The following VEPH1 variants were observed in gnomAD, a reference collection of about 807,000 sequenced individuals.
VEPH1 encodes ventricular zone expressed PH domain containing 1.
A neutral mutation model predicts 85.2 loss-of-function variants in VEPH1; 80 were observed. The observed-to-expected ratio is 0.94, with a 90% confidence interval of 0.78 to 1.13. The LOEUF (loss-of-function observed/expected upper bound fraction) is 1.13. Ranked by LOEUF, VEPH1 falls within the 50% of genes most tolerant of loss-of-function variation. The probability of loss-of-function intolerance (pLI) is 0.00; values close to 1 mark genes in which losing one functional copy is unlikely to be tolerated. For missense variants in VEPH1, 955 were observed against 980.5 expected (o/e 0.97, Z 0.35); for synonymous variants, 297 against 348.0 (o/e 0.85, Z 1.63).
chr3:157,478,988 A>G (rs1737756742), intron 2 of VEPH1, among the ~76,000 whole-genome samples: 1 of 152,208 alleles, frequency 6.6e-6, no homozygotes, highest in Non-Finnish European at 1.5e-5. Flanking sequence ...GGAAAACCTG[A>G]ATAAACAGTT....
intron 4 of VEPH1, among the ~76,000 whole-genome samples, chr3:157,449,501 T>C (rs73873695): frequency 0.024 from 3,626 of 152,316 alleles, 144 homozygotes; most frequent in African/African-American, 0.08. Context: ...TGTTTCTTGC[T>C]TCTCTGTTCT....
At chr3:157,397,440 A>T (rs1481768733) in intron 6 of VEPH1, among the ~76,000 whole-genome samples, 1 of 152,148 alleles carries the variant, frequency 6.6e-6, no homozygotes, top group African/African-American at 2.4e-5. Flanking sequence ...TATGAATTTT[A>T]AAGTAGTTTT....
rs889344440 is a variant in VEPH1, at chr3:157,308,592, A to G, written c.2010+5029T>C. Among the ~76,000 whole-genome samples, 85 of 152,142 alleles carry G rather than the reference A, an allele frequency of 5.6e-4. 1 individual carries two copies. Among genetic ancestry groups the G allele is most frequent in the African/African-American group, 1.8e-3 (73 of 41,558 alleles). ...TTTTTTGCCCCTCTCAAAAATTTTC[A>G]AACTAGTCTCACCTATTTATCCTTC... On this transcript the variant is annotated intron_variant, in intron 11 of 13. Transcript: ENST00000362010.
chr3:157,408,879 G>A (rs1408243116), intron 6 of VEPH1, among the ~76,000 whole-genome samples: 2 of 152,112 alleles, frequency 1.3e-5, no homozygotes, highest in Admixed American at 6.6e-5. Flanking sequence ...GAAGTAGACT[G>A]GACAGGTAAG....
At chr3:157,272,079 G>A (rs886128957) in intron 12 of VEPH1, among the ~76,000 whole-genome samples, 1 of 151,462 alleles carries the variant, frequency 6.6e-6, no homozygotes, top group African/African-American at 2.4e-5. Context: ...GAAACAAAAA[G>A]TCAGAAGGAG....
chr3:157,401,902 G>T (rs765132859), intron 6 of VEPH1, among the ~76,000 whole-genome samples: 4 of 152,126 alleles, frequency 2.6e-5, no homozygotes, highest in Non-Finnish European at 4.4e-5. Context: ...AGAAGAAAAA[G>T]TCCGAAATAT....
chr3:157,431,739 C>G (rs1284636621), intron 4 of VEPH1, among the ~76,000 whole-genome samples: 3 of 151,884 alleles, frequency 2.0e-5, no homozygotes, highest in Non-Finnish European at 4.4e-5. Flanking sequence ...TTGGTTGTGA[C>G]AGACATCAGT....
intron 2 of VEPH1, among the ~76,000 whole-genome samples, chr3:157,480,402 C>G (rs1160431028): frequency 6.6e-6 from 1 of 151,914 alleles, no homozygotes; most frequent in East Asian, 1.9e-4. Flanking sequence ...ATGCTGTCAC[C>G]CAGCTAGTGA....
chr3:157,372,532 C>G (rs556289661), intron 7 of VEPH1, among the ~76,000 whole-genome samples: 1 of 152,340 alleles, frequency 6.6e-6, no homozygotes, highest in South Asian at 2.1e-4. Context: ...TGTATCTCAA[C>G]CATGGCCACA....
intron 9 of VEPH1, among the ~76,000 whole-genome samples, chr3:157,317,807 G>T (rs1025531081): frequency 6.6e-6 from 1 of 151,818 alleles, no homozygotes; most frequent in African/African-American, 2.4e-5. Context: ...CATGTGTAGA[G>T]AAAGAAATAA....
chr3:157,457,891 G>A (rs1735514166), intron 4 of VEPH1, among the ~76,000 whole-genome samples: 1 of 152,066 alleles, frequency 6.6e-6, no homozygotes, highest in African/African-American at 2.4e-5. Context: ...AATGAGTTAG[G>A]GAGGAGTCTC....
At chr3:157,349,563 T>A (rs779291345) in intron 9 of VEPH1, among the ~76,000 whole-genome samples, 34 of 146,426 alleles carry the variant, frequency 2.3e-4, no homozygotes, top group Non-Finnish European at 2.0e-4. Flanking sequence ...AAAGAAAGGG[T>A]ATCCACATTG....
chr3:157,489,415 T>C (rs1361727956), intron 2 of VEPH1: 1 of 320,276 alleles, frequency 3.1e-6, no homozygotes, highest in African/African-American at 2.2e-5. Context: ...GAAACTCCAG[T>C]CTACAGCCTT....
intron 2 of VEPH1, among the ~76,000 whole-genome samples, chr3:157,493,638 G>T (rs1739413743): frequency 1.3e-5 from 2 of 152,186 alleles, no homozygotes; most frequent in Non-Finnish European, 2.9e-5. Context: ...TCCTGGTAGA[G>T]TGAGATGCTA....
At chr3:157,262,937 A>G (rs944716484) in intron 13 of VEPH1, among the ~76,000 whole-genome samples, 1 of 152,230 alleles carries the variant, frequency 6.6e-6, no homozygotes. Flanking sequence ...AGAGATTGAT[A>G]CGAAAATAAA....
intron 6 of VEPH1, among the ~76,000 whole-genome samples, chr3:157,404,993 T>G (rs1731045916): frequency 6.6e-6 from 1 of 152,182 alleles, no homozygotes; most frequent in Non-Finnish European, 1.5e-5. Flanking sequence ...AAAGGGCACT[T>G]ACTAAGTGGT....
At chr3:157,337,937 C>G (rs1723122883) in intron 9 of VEPH1, among the ~76,000 whole-genome samples, 1 of 151,968 alleles carries the variant, frequency 6.6e-6, no homozygotes, top group Non-Finnish European at 1.5e-5. Flanking sequence ...TCAGTTACCA[C>G]TCTGGTTTGA....
At chr3:157,493,196 A>G (rs1348428439) in intron 2 of VEPH1, 2 of 453,704 alleles carry the variant, frequency 4.4e-6, no homozygotes, top group South Asian at 3.1e-5. Flanking sequence ...CCATATTCGC[A>G]TCATTGCAAG....
chr3:157,409,258 T>A (rs1213409305), intron 6 of VEPH1, among the ~76,000 whole-genome samples: 1 of 152,196 alleles, frequency 6.6e-6, no homozygotes, highest in African/African-American at 2.4e-5. Flanking sequence ...AAATGACCCA[T>A]GTATTTTTGC....
Sources: allele counts gnomAD v4.1 joint callset (sites outside exome capture counted in the v4.1 genomes callset), GRCh38; gene constraint gnomAD v4.1.1; transcripts MANE v1.5; gene names NCBI Gene and HGNC (gene_info 2026-07-23, HGNC 2026-07-21).